Variants in ARHGAP15 observed in about 807,000 individuals in gnomAD.
The protein encoded by ARHGAP15 is Rho GTPase activating protein 15, also known as rho GTPase-activating protein 15.
A neutral mutation model predicts 63.7 loss-of-function variants in ARHGAP15; 51 were observed. The observed-to-expected ratio is 0.80, with a 90% CI of 0.64 to 1.01. ARHGAP15 has a LOEUF of 1.01. ARHGAP15 is among the 50% of genes least tolerant of loss of function. ARHGAP15 has a pLI of 0.00. For missense variants in ARHGAP15, 560 were observed against 564.6 expected (o/e 0.99, Z 0.08); for synonymous variants, 191 against 193.8 (o/e 0.99, Z 0.12).
At chr2:143,696,232 A>T (rs1683839396) in intron 12 of ARHGAP15, among the ~76,000 whole-genome samples, 1 of 152,060 alleles carries the variant, frequency 6.6e-6, no homozygotes, top group Admixed American at 6.6e-5. Context: ...CTTATATTTA[A>T]ACATCTATTA....
intron 6 of ARHGAP15, among the ~76,000 whole-genome samples, chr2:143,334,757 T>C (rs1684697931): frequency 6.6e-6 from 1 of 152,218 alleles, no homozygotes; most frequent in African/African-American, 2.4e-5. Context: ...TATTTATATA[T>C]GCCCTTCAAA....
chr2:143,624,103 G>T, intron 11 of ARHGAP15, 30 bp from the exon 12 acceptor site: 1 of 1,610,328 alleles, frequency 6.2e-7, no homozygotes, highest in South Asian at 1.1e-5. Flanking sequence ...ATTAAAACCA[G>T]TTGTTCCATT....
chr2:143,503,211 T>C (rs1044744373), intron 9 of ARHGAP15, among the ~76,000 whole-genome samples: 15 of 152,250 alleles, frequency 9.9e-5, no homozygotes, highest in Non-Finnish European at 1.0e-4. Context: ...GTATTAGTTT[T>C]ATATAATGTT....
chr2:143,265,474 G>C (rs1680943442), intron 6 of ARHGAP15, among the ~76,000 whole-genome samples: 1 of 152,062 alleles, frequency 6.6e-6, no homozygotes, highest in Non-Finnish European at 1.5e-5. Context: ...AATTGTATTT[G>C]ACATATTTTT....
chr2:143,148,561 CTG>C (rs139103125), intron 1 of ARHGAP15, among the ~76,000 whole-genome samples: 2,882 of 152,134 alleles, frequency 0.019, 85 homozygotes, highest in African/African-American at 0.064. Flanking sequence ...GTGATAATAA[CTG>C]TATTACAATT....
chr2:143,382,092 TCCTCCCTCCCTTTCCTTCCTTCCTC>T (rs1161494281), intron 6 of ARHGAP15, among the ~76,000 whole-genome samples: 15 of 27,880 alleles, frequency 5.4e-4, no homozygotes, highest in African/African-American at 2.2e-3. Flanking sequence ...TTTCCTTCCT[TCCTCCCTCCCTTTCCTTCCTTCCTC>T]CCTCCCTCCT....
intron 12 of ARHGAP15, chr2:143,640,772 A>T (rs1341319706): frequency 6.6e-6 from 1 of 152,112 alleles, no homozygotes; most frequent in Non-Finnish European, 1.5e-5. Context: ...CATGATTCTG[A>T]TTTATTGGTA....
intron 6 of ARHGAP15, among the ~76,000 whole-genome samples, chr2:143,329,040 T>A (rs10177442): frequency 6.6e-6 from 1 of 152,222 alleles, no homozygotes; most frequent in Non-Finnish European, 1.5e-5. Context: ...TATTCTCTAA[T>A]GTTCTCCTTG....
At chr2:143,633,553 T>C (rs1457371909) in intron 12 of ARHGAP15, among the ~76,000 whole-genome samples, 2 of 152,260 alleles carry the variant, frequency 1.3e-5, no homozygotes, top group East Asian at 3.9e-4. Flanking sequence ...CACTCCTTTC[T>C]TCCATCTACG....
chr2:143,479,003 A>G (rs947565152), intron 8 of ARHGAP15, among the ~76,000 whole-genome samples: 4 of 152,198 alleles, frequency 2.6e-5, no homozygotes, highest in Non-Finnish European at 4.4e-5. Flanking sequence ...CAAAATTACT[A>G]TATGTTACTC....
chr2:143,535,455 A>T (rs551248148), intron 10 of ARHGAP15, among the ~76,000 whole-genome samples: 2 of 152,364 alleles, frequency 1.3e-5, no homozygotes, highest in African/African-American at 4.8e-5. Flanking sequence ...TAGGATTTCA[A>T]GAAAAAAGGA....
chr2:143,542,077 C>T (rs538355896), intron 10 of ARHGAP15, among the ~76,000 whole-genome samples: 9 of 152,316 alleles, frequency 5.9e-5, no homozygotes, highest in African/African-American at 1.9e-4. Flanking sequence ...TGAGCAATTG[C>T]GGGCACCCCT....
At chr2:143,490,648 G>C (rs746148729) in intron 9 of ARHGAP15, among the ~76,000 whole-genome samples, 1 of 150,672 alleles carries the variant, frequency 6.6e-6, no homozygotes, top group Admixed American at 6.6e-5. Context: ...TGAGACAGAG[G>C]CTCACTCTGT....
chr2:143,412,281 G>A (rs189467398), intron 6 of ARHGAP15, among the ~76,000 whole-genome samples: 1 of 152,036 alleles, frequency 6.6e-6, no homozygotes, highest in Non-Finnish European at 1.5e-5. Context: ...AGAACAAAAC[G>A]GAAATGGATT....
chr2:143,260,724 T>C (rs926547771), intron 6 of ARHGAP15, among the ~76,000 whole-genome samples: 1 of 152,178 alleles, frequency 6.6e-6, no homozygotes. Flanking sequence ...TGTGAATACA[T>C]ACTTGATATT....
At chr2:143,766,352 T>C (rs1332750543) in intron 13 of ARHGAP15, among the ~76,000 whole-genome samples, 1 of 152,208 alleles carries the variant, frequency 6.6e-6, no homozygotes, top group Non-Finnish European at 1.5e-5. Context: ...CTGTCTCCTC[T>C]GGTGCCATTA....
At chr2:143,285,265 TA>T (rs1204767509) in intron 6 of ARHGAP15, among the ~76,000 whole-genome samples, 2 of 152,100 alleles carry the variant, frequency 1.3e-5, no homozygotes, top group Admixed American at 6.5e-5. Context: ...ACTAATTCAA[TA>T]TTTTTTTTCA....
chr2:143,613,471 T>C (rs1443905330), intron 11 of ARHGAP15, among the ~76,000 whole-genome samples: 1 of 152,206 alleles, frequency 6.6e-6, no homozygotes, highest in Non-Finnish European at 1.5e-5. Context: ...TTAACTGTAA[T>C]TCCCTTTTGT....
intron 9 of ARHGAP15, among the ~76,000 whole-genome samples, chr2:143,493,642 CT>C (rs1692684431): frequency 6.6e-6 from 1 of 152,114 alleles, no homozygotes; most frequent in Non-Finnish European, 1.5e-5. Context: ...CCACTCCTTG[CT>C]TTTTTCCCCC....
Sources: gnomAD v4.1 joint callset for allele counts (sites outside exome capture counted in the v4.1 genomes callset) on GRCh38, gnomAD v4.1.1 for gene constraint, MANE v1.5 for transcripts, NCBI Gene and HGNC (gene_info 2026-07-23, HGNC 2026-07-21) for gene names.